The following MRPS9 variants were observed in gnomAD, a reference collection of about 807,000 sequenced individuals.
MRPS9 encodes mitochondrial ribosomal protein S9.
In MRPS9, 45 loss-of-function variants were observed where a neutral mutation model predicts 59.9. That is an observed-to-expected ratio of 0.75 (90% CI 0.59 to 0.96). The LOEUF (loss-of-function observed/expected upper bound fraction) is 0.96. MRPS9 is among the 40% of genes least tolerant of loss of function. The pLI, the probability that MRPS9 is intolerant of heterozygous loss-of-function variation, is 0.00. For synonymous variants in MRPS9, 171 were observed against 166.8 expected (o/e 1.03, Z -0.19); for missense variants, 473 against 481.1 (o/e 0.98, Z 0.16).
intron 5 of MRPS9, among the ~76,000 whole-genome samples, 190 bp downstream of exon 5, chr2:105,080,252 G>A (rs998962994): frequency 6.6e-6 from 1 of 152,142 alleles, no homozygotes; most frequent in Non-Finnish European, 1.5e-5. Context: ...GAACTTTATA[G>A]AGTTTATATC....
At chr2:105,057,772 A>G (rs1489767853) in intron 2 of MRPS9, among the ~76,000 whole-genome samples, 1 of 152,194 alleles carries the variant, frequency 6.6e-6, no homozygotes, top group African/African-American at 2.4e-5. Flanking sequence ...GACCACTGAT[A>G]TTTGCATTTT....
At chr2:105,053,325 G>A (rs1312761690) in intron 2 of MRPS9, among the ~76,000 whole-genome samples, 4 of 152,098 alleles carry the variant, frequency 2.6e-5, no homozygotes, top group African/African-American at 9.7e-5. Flanking sequence ...CAATTACATA[G>A]TTAAAAGTCT....
At chr2:105,079,118 G>T (rs576001589) in intron 4 of MRPS9, among the ~76,000 whole-genome samples, 1 of 152,146 alleles carries the variant, frequency 6.6e-6, no homozygotes, top group Non-Finnish European at 1.5e-5. Context: ...TCATGCTGCC[G>T]TAGAGGAAAA....
Position 105,093,657 on chromosome 2 carries a change from T to A in MRPS9, c.929+19T>A. 1.5e-6 allele frequency: 2 copies of A among 1,375,966 alleles called. No individual in the cohort carries two copies. Among genetic ancestry groups the A allele is most frequent in the Non-Finnish European group, 1.0e-6 (1 of 989,666 alleles). The allele number at this position is 1,375,966 out of a possible 1,614,324, so 85.2% of individuals were successfully genotyped here. ...AGGACAGGTTCGTTTTGGGTTCTGA[T>A]TTTTTGTTTTTAAAGGAAACATACT... On this transcript the variant is annotated intron_variant, in intron 9 of 10. Transcript: ENST00000258455.
chr2:105,089,788 G>A, intron 6 of MRPS9, 132 bp from the exon 7 acceptor site: 1 of 525,348 alleles, frequency 1.9e-6, no homozygotes, highest in East Asian at 3.4e-5. Context: ...AGCTTAGTTG[G>A]GTAAAATTAC....
chr2:105,067,741 T>TGTGTGTGTGTGTGTGTGTGTATGTGTAC (rs542971106), intron 2 of MRPS9, among the ~76,000 whole-genome samples: 2 of 151,228 alleles, frequency 1.3e-5, no homozygotes, highest in African/African-American at 2.4e-5. Context: ...TTCTCCTGAG[T>TGTGTGTGTGTGTGTGTGTGTATGTGTAC]GTGTGTGTGT....
At position 105,099,682 on chromosome 2, in the gene MRPS9, C is replaced by A. The variant is rs757771120; in HGVS notation, c.1112C>A (p.Thr371Asn). The A allele has an allele frequency of 1.2e-6, 2 of 1,613,960 alleles. No homozygotes were observed. The highest frequency in any genetic ancestry group is 1.7e-6 in the Non-Finnish European group (2 of 1,180,030). Reference sequence around the variant, plus strand: ...TTTTATGCTGCAGCTGGACTACTTACTACTGATCCACGTGTGAGGGAACGG... The same window carrying A: ...TTTTATGCTGCAGCTGGACTACTTAATACTGATCCACGTGTGAGGGAACGG... ...VEWMRQAGLL[T>N]TDPRVRERKK... Residue 371 changes from threonine (T) to asparagine (N), a missense_variant, in exon 11 of 11, where the codon ACT (threonine) becomes AAT (asparagine). Transcript: ENST00000258455.
At chr2:105,047,460 G>T (rs1185944469) in intron 1 of MRPS9, among the ~76,000 whole-genome samples, 2 of 151,890 alleles carry the variant, frequency 1.3e-5, no homozygotes, top group African/African-American at 4.8e-5. Flanking sequence ...AGAGGCATCT[G>T]AATTTAGGAC....
chr2:105,072,846 A>G (rs1465049873), intron 4 of MRPS9, among the ~76,000 whole-genome samples: 1 of 151,946 alleles, frequency 6.6e-6, no homozygotes. Context: ...TCTTATTATA[A>G]ATGTTTTGAA....
chr2:105,099,022 G>A (rs6755168), intron 10 of MRPS9, among the ~76,000 whole-genome samples: 29,658 of 152,094 alleles, frequency 0.19, 3,055 homozygotes, highest in Middle Eastern at 0.35. Context: ...AAAGTTTCCC[G>A]TTTAAACTGA....
chr2:105,059,717 C>G (rs56082211), intron 2 of MRPS9, among the ~76,000 whole-genome samples: 1 of 151,754 alleles, frequency 6.6e-6, no homozygotes, highest in Non-Finnish European at 1.5e-5. Context: ...AAACTTGTCC[C>G]AGTGGGCCAA....
chr2:105,092,244 C>T, intron 7 of MRPS9, 157 bp from the exon 8 acceptor site: 1 of 512,946 alleles, frequency 1.9e-6, no homozygotes, highest in Non-Finnish European at 3.3e-6. Flanking sequence ...GATGCATCTG[C>T]ATGCTGTTTT....
intron 4 of MRPS9, among the ~76,000 whole-genome samples, chr2:105,079,085 G>A (rs1680274769): frequency 6.6e-6 from 1 of 152,118 alleles, no homozygotes; most frequent in Non-Finnish European, 1.5e-5. Flanking sequence ...ATTCCTTCAT[G>A]GGATGAATCA....
At chr2:105,097,088 T>C in intron 9 of MRPS9, 67 bp from the exon 10 acceptor site, 1 of 1,356,942 alleles carries the variant, frequency 7.4e-7, no homozygotes, top group Non-Finnish European at 9.6e-7. Context: ...ATTCAGAATT[T>C]CAGTTGTTTA....
At chr2:105,069,848 CA>C (rs35040674) in intron 2 of MRPS9, among the ~76,000 whole-genome samples, 33,227 of 130,636 alleles carry the variant, frequency 0.25, 3,728 homozygotes, top group Middle Eastern at 0.4. Context: ...CTCATCTCTA[CA>C]AAAAAAAAAA....
In MRPS9 at chr2:105,089,003, T is replaced by C. The variant is rs372692502; in HGVS notation, c.509T>C (p.Leu170Pro). The change falls in exon 6 of 11, where the codon CTC becomes CCC. Residue 170 changes from leucine (L) to proline (P), a missense_variant. By Grantham distance (98) the Leu-to-Pro change is moderately conservative (BLOSUM62 -3). Transcript: ENST00000258455. Reference protein sequence around the residue: ...SLMHDVYGMLLNLEKHQSHLQ... With the variant: ...SLMHDVYGMLPNLEKHQSHLQ... ...CCATAGGATGTATATGGAATGTTAC[T>C]CAATTTAGAAAAACATCAAAGTCAC... The C allele has an allele frequency of 1.2e-6, 2 of 1,611,190 alleles. No homozygotes were observed. The highest frequency in any genetic ancestry group is 1.7e-6 in the Non-Finnish European group (2 of 1,178,168).
At chr2:105,095,223 A>G (rs906209283) in intron 9 of MRPS9, among the ~76,000 whole-genome samples, 1 of 152,210 alleles carries the variant, frequency 6.6e-6, no homozygotes, top group Non-Finnish European at 1.5e-5. Context: ...GTCATCACCT[A>G]ACACACAGTG....
intron 4 of MRPS9, among the ~76,000 whole-genome samples, chr2:105,077,972 A>T (rs987052190): frequency 2.6e-5 from 4 of 151,816 alleles, no homozygotes; most frequent in African/African-American, 9.7e-5. Flanking sequence ...TGCAAGAAGC[A>T]GTGGGAAAAA....
chr2:105,088,809 A>T lies in MRPS9; in HGVS notation c.490-175A>T, dbSNP rs530611869. ...ATTACTCTATCATCCTTTAGTTTAA[A>T]TGAGAAATAGTATTATTAAAAGCAT... On this transcript the variant is annotated intron_variant, in intron 5 of 10. Coordinates refer to ENST00000258455, the MANE Select transcript of MRPS9 (RefSeq NM_182640.3). Among the ~76,000 whole-genome samples, 9 of 152,242 alleles carry T rather than the reference A, an allele frequency of 5.9e-5. No homozygotes were observed. The South Asian group carries it at 1.5e-3, about 25-fold the overall frequency.
Sources: gnomAD v4.1 joint callset for allele counts (sites outside exome capture counted in the v4.1 genomes callset) on GRCh38, gnomAD v4.1.1 for gene constraint, MANE v1.5 for transcripts, NCBI Gene and HGNC (gene_info 2026-07-23, HGNC 2026-07-21) for gene names.